The following CBLB variants were observed in gnomAD, a reference collection of about 807,000 sequenced individuals.
The protein encoded by CBLB is Cbl proto-oncogene B.
In CBLB, 31 loss-of-function variants were observed where a neutral mutation model predicts 104.9. The observed-to-expected ratio is 0.30, with a 90% CI of 0.22 to 0.40. CBLB has a LOEUF of 0.40. Ranked by LOEUF, CBLB falls within the 10% of genes least tolerant of loss-of-function variation. The pLI is 1.00. For missense variants in CBLB, 1,062 were observed against 1,214.6 expected, an observed-to-expected ratio of 0.87 and a Z score of 1.87; for synonymous variants, 440 against 422.6, an observed-to-expected ratio of 1.04 and a Z score of -0.51.
intron 3 of CBLB, among the ~76,000 whole-genome samples, chr3:105,809,382 C>T (rs1476333201): frequency 6.6e-6 from 1 of 152,152 alleles, no homozygotes; most frequent in East Asian, 1.9e-4. Context: ...AGTCATTTAA[C>T]TCCTTGAGCA....
chr3:105,732,378 C>T (rs555279765), intron 9 of CBLB, among the ~76,000 whole-genome samples: 1 of 152,316 alleles, frequency 6.6e-6, no homozygotes, highest in African/African-American at 2.4e-5. Flanking sequence ...TGAGAATGAT[C>T]TCCTTCAACA....
intron 3 of CBLB, 139 bp from the exon 4 acceptor site, chr3:105,776,681 A>T: frequency 1.3e-6 from 1 of 748,330 alleles, no homozygotes; most frequent in South Asian, 1.7e-5. Context: ...GAAAACCTCA[A>T]CTTAATGCTG....
chr3:105,725,620 C>T (rs548485443), intron 9 of CBLB, among the ~76,000 whole-genome samples: 48 of 152,300 alleles, frequency 3.2e-4, no homozygotes, highest in African/African-American at 1.2e-3. Context: ...ACAACTCTCG[C>T]AGCTTCTTTA....
chr3:105,854,885 C>A (rs931668639), intron 2 of CBLB, among the ~76,000 whole-genome samples: 3 of 152,142 alleles, frequency 2.0e-5, no homozygotes, highest in African/African-American at 7.2e-5. Context: ...CCCGCCTCGG[C>A]CTCCCAAAGT....
At chr3:105,694,277 A>G (rs2068066761) in intron 12 of CBLB, among the ~76,000 whole-genome samples, 1 of 151,980 alleles carries the variant, frequency 6.6e-6, no homozygotes, top group South Asian at 2.1e-4. Context: ...GATTTCTGTT[A>G]CACTACAGGA....
At chr3:105,798,890 G>A (rs2082529457) in intron 3 of CBLB, among the ~76,000 whole-genome samples, 1 of 152,172 alleles carries the variant, frequency 6.6e-6, no homozygotes, top group African/African-American at 2.4e-5. Context: ...GCATTATGCT[G>A]TTGTTCTGGA....
intron 4 of CBLB, among the ~76,000 whole-genome samples, chr3:105,763,392 C>T (rs2077867989): frequency 6.6e-6 from 1 of 152,270 alleles, no homozygotes. Context: ...CAAATTTCAT[C>T]TTGAATTGTT....
chr3:105,844,398 A>T (rs761792969), intron 3 of CBLB, among the ~76,000 whole-genome samples: 2 of 152,256 alleles, frequency 1.3e-5, no homozygotes, highest in Admixed American at 6.5e-5. Context: ...TCACATGATC[A>T]GATGTTCAAA....
rs967246502 is a variant in CBLB at position 105,659,191 on chromosome 3, G to A, written c.2728C>T (p.Pro910Ser). Reference sequence around the variant, plus strand: ...TGAATTTCTGGTGCAGTCCTGCGCGGTCGTGGTTTAGGGGGTCTGGCTGGT... The same window carrying A: ...TGAATTTCTGGTGCAGTCCTGCGCGATCGTGGTTTAGGGGGTCTGGCTGGT... ...QAPARPPKPR[P>S]RRTAPEIHHR... is the part of the protein sequence containing the mutation. The change falls in exon 19 of 19, where the codon CCG becomes TCG. Residue 910 changes from proline to serine, a missense_variant. Around this residue, in one of 2 missense-constraint regions of CBLB, gnomAD observed 605 missense variants for 582.6 expected, o/e 1.04. Coordinates refer to ENST00000394030, the MANE Select transcript of CBLB (RefSeq NM_170662.5). The A allele has an allele frequency of 6.2e-7, 1 of 1,613,824 alleles. No individual in the cohort carries two copies. The highest frequency in any genetic ancestry group is 1.3e-5 in the African/African-American group (1 of 74,898).
At chr3:105,824,828 G>C (rs62263170) in intron 3 of CBLB, among the ~76,000 whole-genome samples, 1 of 151,888 alleles carries the variant, frequency 6.6e-6, no homozygotes, top group African/African-American at 2.4e-5. Flanking sequence ...CACTGAGAAG[G>C]AGACCTCATC....
At chr3:105,687,143 T>C (rs1021330986) in intron 13 of CBLB, among the ~76,000 whole-genome samples, 1 of 152,150 alleles carries the variant, frequency 6.6e-6, no homozygotes, top group African/African-American at 2.4e-5. Context: ...TCTCTATGCC[T>C]AAGATACTTT....
intron 3 of CBLB, among the ~76,000 whole-genome samples, chr3:105,816,598 T>G (rs956814550): frequency 6.6e-6 from 1 of 152,174 alleles, no homozygotes; most frequent in African/African-American, 2.4e-5. Context: ...AGAAGCAAAA[T>G]GCAGTATTTT....
At chr3:105,863,311 T>C (rs1221906288) in intron 2 of CBLB, among the ~76,000 whole-genome samples, 1 of 152,202 alleles carries the variant, frequency 6.6e-6, no homozygotes, top group Admixed American at 6.5e-5. Context: ...AACTGAGTAC[T>C]AAACAAAACT....
At position 105,694,482 on chromosome 3, in the gene CBLB, A is replaced by G. The variant is rs185529398; in HGVS notation, c.1960-894T>C. Among the ~76,000 whole-genome samples, 218 of 152,014 alleles carry G rather than the reference A, an allele frequency of 1.4e-3. 1 individual carries two copies. The highest frequency in any genetic ancestry group is 3.8e-3 in the African/African-American group (157 of 41,536). ...TCTTATTAATTCATATTTAATAGGTAGACTGATGGTGGGGCTAAATACATG... is the reference window on the plus strand; with the variant it reads ...TCTTATTAATTCATATTTAATAGGTGGACTGATGGTGGGGCTAAATACATG... On this transcript the variant is annotated intron_variant, in intron 12 of 18. Transcript: ENST00000394030.
chr3:105,802,255 G>A (rs2082965775), intron 3 of CBLB, among the ~76,000 whole-genome samples: 3 of 152,184 alleles, frequency 2.0e-5, no homozygotes, highest in South Asian at 4.1e-4. Flanking sequence ...ACCTAAACAG[G>A]CAGACACCAG....
upstream of CBLB, chr3:105,869,197 GC>G: frequency 1.6e-6 from 1 of 623,328 alleles, no homozygotes; most frequent in Non-Finnish European, 2.7e-6. Context: ...GTACACAATG[GC>G]CCCAGAGGAA....
rs1454068427 is a variant in CBLB at position 105,835,746 on chromosome 3, A to C, written c.419+17668T>G. Among the ~76,000 whole-genome samples the C allele has an allele frequency of 2.0e-5, 3 of 152,212 alleles. No homozygotes were observed. In the East Asian group the frequency reaches 5.8e-4, roughly 29 times the overall value. On this transcript the variant is annotated intron_variant, in intron 3 of 18. Coordinates refer to ENST00000394030, the MANE Select transcript of CBLB (RefSeq NM_170662.5). ...ATTCTTGACAGCAGTTTGAGATTGC[A>C]GTACAGCAAATAAAGTCCTGCTCTC...
At chr3:105,748,855 A>G (rs1218525152) in intron 5 of CBLB, among the ~76,000 whole-genome samples, 1 of 151,936 alleles carries the variant, frequency 6.6e-6, no homozygotes, top group Non-Finnish European at 1.5e-5. Context: ...TAGTTTCTCT[A>G]CTTCAGACCC....
At chr3:105,850,586 G>A (rs915598761) in intron 3 of CBLB, among the ~76,000 whole-genome samples, 4 of 152,122 alleles carry the variant, frequency 2.6e-5, no homozygotes, top group Admixed American at 1.3e-4. Context: ...CCCAGAAATG[G>A]AAAACTCTAT....
Sources: gnomAD v4.1 joint callset for allele counts (sites outside exome capture counted in the v4.1 genomes callset) on GRCh38, gnomAD v4.1.1 for gene constraint, gnomAD v4.1.1 regional missense constraint, MANE v1.5 for transcripts, NCBI Gene and HGNC (gene_info 2026-07-23, HGNC 2026-07-21) for gene names.